Variants in CDH11 observed in about 807,000 individuals in gnomAD.
The protein encoded by CDH11 is cadherin-11.
In CDH11, 11 loss-of-function variants were observed where a neutral mutation model predicts 67.8. The observed-to-expected ratio is 0.16, with a 90% confidence interval of 0.10 to 0.27. The LOEUF (loss-of-function observed/expected upper bound fraction) is 0.27. CDH11 is among the 10% of genes least tolerant of loss of function. The pLI, the probability that CDH11 is intolerant of heterozygous loss-of-function variation, is 1.00. For synonymous variants in CDH11, 419 were observed against 400.0 expected (o/e 1.05, Z -0.57); for missense variants, 847 against 1,031.2 (o/e 0.82, Z 2.45).
rs2072839290 is a variant in CDH11 at position 64,998,703 on chromosome 16, C to A, written c.382G>T (p.Ala128Ser). The A allele has an allele frequency of 1.2e-6, 2 of 1,613,990 alleles. No individual in the cohort carries two copies. The highest frequency in any genetic ancestry group is 1.3e-5 in the African/African-American group (1 of 74,892). The change falls in exon 4 of 13, where the codon GCT (alanine) becomes TCT (serine). Residue 128 changes from alanine to serine, a missense_variant. By Grantham distance (99) the Ala-to-Ser change is moderately conservative. This residue lies in a region of CDH11 where 235 missense variants were observed against 352.5 expected (regional missense o/e 0.67). Coordinates refer to ENST00000268603, the MANE Select transcript of CDH11 (RefSeq NM_001797.4). ...REERAQYTLM[A>S]QAVDRDTNRP... ...TTGGTGTCCCTGTCCACCGCCTGAG[C>A]CATCAACGTGTACTGGGCTCTCTCT...
chr16:64,954,528 C>G (rs554372707), intron 11 of CDH11, among the ~76,000 whole-genome samples: 4 of 152,240 alleles, frequency 2.6e-5, no homozygotes, highest in African/African-American at 9.6e-5. Flanking sequence ...TTCCAGAAGG[C>G]TCAGGGGATC....
chr16:65,093,825 C>T (rs2074836467), intron 1 of CDH11, among the ~76,000 whole-genome samples: 1 of 152,092 alleles, frequency 6.6e-6, no homozygotes, highest in African/African-American at 2.4e-5. Context: ...ATTAAAAACA[C>T]TAAAAAGGCC....
At chr16:64,962,745 T>C (rs2071706981) in intron 11 of CDH11, among the ~76,000 whole-genome samples, 2 of 152,140 alleles carry the variant, frequency 1.3e-5, no homozygotes, top group African/African-American at 4.8e-5. Flanking sequence ...GGCCTGATCT[T>C]AGAAAAAACT....
intron 8 of CDH11, among the ~76,000 whole-genome samples, chr16:64,974,295 G>A (rs2072101364): frequency 6.6e-6 from 1 of 152,098 alleles, no homozygotes; most frequent in African/African-American, 2.4e-5. Context: ...TAAGTGTGTG[G>A]TTTTCTGCTC....
At chr16:65,021,876 G>GAAAAAAAAAACAAAAAA (rs2073432910) in intron 2 of CDH11, among the ~76,000 whole-genome samples, 1 of 109,860 alleles carries the variant, frequency 9.1e-6, no homozygotes, top group Non-Finnish European at 1.8e-5. Context: ...AAGTAACTCA[G>GAAAAAAAAAACAAAAAA]AAAAAAAAAA....
chr16:65,058,374 T>C (rs1356952348), intron 1 of CDH11, among the ~76,000 whole-genome samples: 1 of 152,236 alleles, frequency 6.6e-6, no homozygotes, highest in Non-Finnish European at 1.5e-5. Flanking sequence ...TTAAAACTTT[T>C]CTTTGGTGAA....
Position 65,103,336 on chromosome 16 carries a change from C to G in CDH11, c.-298+18544G>C, listed in dbSNP as rs186502692. Among the ~76,000 whole-genome samples, 431 of 152,258 alleles carry G rather than the reference C, an allele frequency of 2.8e-3. 4 individuals are homozygous for G. The highest frequency in any genetic ancestry group is 9.7e-3 in the African/African-American group (403 of 41,538). On this transcript the variant is annotated intron_variant, in intron 1 of 12. Transcript: ENST00000268603. ...AATGTAAGAGAAAATGTTATAAATT[C>G]ACTGATGCCAGGTGGTAACAGAATT...
At chr16:64,950,162 A>G (rs1045810381) in intron 12 of CDH11, among the ~76,000 whole-genome samples, 2 of 152,190 alleles carry the variant, frequency 1.3e-5, no homozygotes, top group Admixed American at 6.5e-5. Context: ...AACCACAGGT[A>G]AGACAGAAGT....
chr16:65,008,777 G>A (rs1321386419), intron 2 of CDH11, among the ~76,000 whole-genome samples: 2 of 152,118 alleles, frequency 1.3e-5, no homozygotes, highest in Non-Finnish European at 2.9e-5. Flanking sequence ...CGGACGTTGT[G>A]ATAAAAAGCA....
At chr16:65,102,287 C>T (rs991671546) in intron 1 of CDH11, among the ~76,000 whole-genome samples, 5 of 152,182 alleles carry the variant, frequency 3.3e-5, no homozygotes, top group African/African-American at 1.2e-4. Context: ...TAGCTATAGA[C>T]CCAAAATCTT....
chr16:65,029,832 A>G (rs1229309020), intron 2 of CDH11, among the ~76,000 whole-genome samples: 1 of 152,150 alleles, frequency 6.6e-6, no homozygotes, highest in Non-Finnish European at 1.5e-5. Flanking sequence ...TTTAGAGAGA[A>G]CCTGGCCTCA....
chr16:65,111,274 C>G (rs1394364824), intron 1 of CDH11, among the ~76,000 whole-genome samples: 1 of 152,154 alleles, frequency 6.6e-6, no homozygotes, highest in Non-Finnish European at 1.5e-5. Flanking sequence ...CATTTAATAT[C>G]AGAGCTACTC....
chr16:65,123,200 C>T (rs1032851686), upstream of CDH11, among the ~76,000 whole-genome samples: 1 of 152,102 alleles, frequency 6.6e-6, no homozygotes, highest in African/African-American at 2.4e-5. Context: ...AGGGAACAAC[C>T]ATGCCTGTGT....
rs114923776 is a variant in CDH11 at position 64,985,234 on chromosome 16, C to G, written c.999+2923G>C. 3.4e-3 allele frequency: 511 copies of G among 152,274 alleles called. 2 individuals carry two copies. The highest frequency in any genetic ancestry group is 0.012 in the African/African-American group (496 of 41,546). The allele number at this position is 152,274 out of a possible 1,614,324, so 9.4% of individuals were successfully genotyped here. A position where few individuals can be genotyped will look rare whatever the true frequency, so the allele number is the denominator to read the frequency against. On this transcript the variant is annotated intron_variant, in intron 7 of 12. Transcript: ENST00000268603. ...GTGCACTATTAAACTAAGACACAGT[C>G]AGAACTCAAGAGGTATTTATTGTTT...
rs940994775 is a variant in CDH11, at chr16:65,004,958, G to A, written c.-89C>T. ...TCTTGCTGAGGGTGGCCTCCCGGAC[G>A]CGTCACGCAGACCTCTCTTGGGATG... On this transcript the variant is annotated 5_prime_UTR_variant, in exon 3 of 13. Transcript: ENST00000268603. 5.6e-5 allele frequency: 80 copies of A among 1,437,158 alleles called. No individual in the cohort carries two copies. The highest frequency in any genetic ancestry group is 2.8e-4 in the South Asian group (19 of 66,820). The allele number at this position is 1,437,158 out of a possible 1,614,324, so 89.0% of individuals were successfully genotyped here.
chr16:64,983,071 A>G (rs1225136382), intron 7 of CDH11: 4 of 152,140 alleles, frequency 2.6e-5, no homozygotes, highest in Admixed American at 6.5e-5. Flanking sequence ...ATTTATTTTT[A>G]AGTTACCTTC....
chr16:64,957,754 T>C (rs1470383884), intron 11 of CDH11, among the ~76,000 whole-genome samples: 2 of 152,130 alleles, frequency 1.3e-5, no homozygotes, highest in African/African-American at 2.4e-5. Flanking sequence ...TTCAGAAGTA[T>C]AGATGACACA....
Position 65,046,500 on chromosome 16 carries a change from A to G in CDH11, c.-173+7304T>C, listed in dbSNP as rs1391083562. Among the ~76,000 whole-genome samples the G allele has an allele frequency of 2.0e-5, 3 of 152,222 alleles. No homozygotes were observed. In the East Asian group the frequency reaches 5.8e-4, roughly 29 times the overall value. On this transcript the variant is annotated intron_variant, in intron 2 of 12. Coordinates refer to ENST00000268603, the MANE Select transcript of CDH11 (RefSeq NM_001797.4). ...CTCAGGGAAACTGACAATGAGAGGA[A>G]CACATTATTGATTTCGAGAACATCT...
chr16:65,123,137 C>G (rs528264170), upstream of CDH11, among the ~76,000 whole-genome samples: 421 of 152,226 alleles, frequency 2.8e-3, 5 homozygotes, highest in African/African-American at 9.6e-3. Context: ...ACGCCAAGGA[C>G]TGGGCGGGGC....
Sources: allele counts gnomAD v4.1 joint callset (sites outside exome capture counted in the v4.1 genomes callset), GRCh38; gene constraint gnomAD v4.1.1; regional missense constraint gnomAD v4.1.1; transcripts MANE v1.5; gene names NCBI Gene and HGNC (gene_info 2026-07-23, HGNC 2026-07-21).